SLC8A1: variants seen among roughly 807,000 people sequenced by gnomAD.
SLC8A1 encodes sodium/calcium exchanger 1.
A neutral mutation model predicts 68.3 loss-of-function variants in SLC8A1; 18 were observed. The observed-to-expected ratio is 0.26, with a 90% CI of 0.18 to 0.39. The LOEUF is 0.39. Among genes scored for constraint, SLC8A1 ranks in the 10% least tolerant of loss-of-function variants. The pLI is 1.00. For missense variants in SLC8A1, 985 were observed against 1,156.7 expected (o/e 0.85, Z 2.15); for synonymous variants, 475 against 415.5 (o/e 1.14, Z -1.74).
At chr2:40,242,523 G>A (rs1458755594) in intron 2 of SLC8A1, among the ~76,000 whole-genome samples, 1 of 152,134 alleles carries the variant, frequency 6.6e-6, no homozygotes, top group East Asian at 1.9e-4. Context: ...AAGAACAATG[G>A]TTGCATCCAG....
intron 2 of SLC8A1, among the ~76,000 whole-genome samples, chr2:40,383,661 C>T (rs955100611): frequency 6.6e-6 from 1 of 152,002 alleles, no homozygotes; most frequent in Non-Finnish European, 1.5e-5. Flanking sequence ...TTAAGTAATA[C>T]TTAATACATA....
At position 40,231,195 on chromosome 2, in the gene SLC8A1, T is replaced by C. The variant is rs557070351; in HGVS notation, c.1809-53340A>G. On this transcript the variant is annotated intron_variant, in intron 2 of 7. Coordinates refer to ENST00000406785, the Ensembl canonical transcript of SLC8A1. Reference sequence around the variant, plus strand: ...GTGCTGGTTCTTGGCACAGTTGCTTTCTGAGCTGAAAAAAAGTGCCATGAC... The same window carrying C: ...GTGCTGGTTCTTGGCACAGTTGCTTCCTGAGCTGAAAAAAAGTGCCATGAC... 2.0e-5 allele frequency among the ~76,000 whole-genome samples: 3 copies of C among 152,316 alleles called. No individual in the cohort carries two copies. In the South Asian group the frequency reaches 6.2e-4, roughly 32 times the overall value.
At chr2:40,335,893 T>C (rs565772375) in intron 2 of SLC8A1, among the ~76,000 whole-genome samples, 1 of 152,264 alleles carries the variant, frequency 6.6e-6, no homozygotes, top group South Asian at 2.1e-4. Flanking sequence ...AAGAGATAAG[T>C]GAATTAAGTT....
At chr2:40,482,915 C>G (rs1181097894) in intron 1 of SLC8A1, among the ~76,000 whole-genome samples, 1 of 150,894 alleles carries the variant, frequency 6.6e-6, no homozygotes, top group African/African-American at 2.4e-5. Flanking sequence ...CTCAGCCTCC[C>G]GAGTAGCTGG....
In SLC8A1 at chr2:40,235,810, C is replaced by T. The variant is rs1021491549; in HGVS notation, c.1809-57955G>A. 5.6e-3 allele frequency among the ~76,000 whole-genome samples: 834 copies of T among 148,968 alleles called. 2 individuals carry two copies. The highest frequency in any genetic ancestry group is 9.8e-3 in the Non-Finnish European group (657 of 66,832). On this transcript the variant is annotated intron_variant, in intron 2 of 7. Coordinates refer to ENST00000406785, the Ensembl canonical transcript of SLC8A1. Reference sequence around the variant, plus strand: ...TTCTGGTATGTTGTGTCTTTGTTCTCGTTGGTTTCAAAGAACATCTTTATT... The same window carrying T: ...TTCTGGTATGTTGTGTCTTTGTTCTTGTTGGTTTCAAAGAACATCTTTATT...
At chr2:40,336,139 T>C (rs1665903184) in intron 2 of SLC8A1, among the ~76,000 whole-genome samples, 1 of 152,180 alleles carries the variant, frequency 6.6e-6, no homozygotes, top group Admixed American at 6.5e-5. Flanking sequence ...TCCATTCCCC[T>C]CTAATCTCAA....
chr2:40,304,917 C>T lies in SLC8A1; in HGVS notation c.1808+123556G>A, dbSNP rs892552510. 2.0e-5 allele frequency among the ~76,000 whole-genome samples: 3 copies of T among 152,264 alleles called. No individual in the cohort carries two copies. In the South Asian group the frequency reaches 6.2e-4, roughly 32 times the overall value. The stretch of plus-strand genomic sequence containing the variant: ...ACTTCCGCTTTTGAGAATCTTCCAC[C>T]TACCCACCCCATCCATTTGACACTA... On this transcript the variant is annotated intron_variant, in intron 2 of 7. Transcript: ENST00000406785.
At chr2:40,217,950 G>A (rs2057745870) in intron 2 of SLC8A1, among the ~76,000 whole-genome samples, 1 of 151,804 alleles carries the variant, frequency 6.6e-6, no homozygotes, top group Non-Finnish European at 1.5e-5. Context: ...AAATAGCTGT[G>A]GTAAACAGAT....
chr2:40,240,424 A>T (rs369580542), intron 2 of SLC8A1, among the ~76,000 whole-genome samples: 1 of 152,174 alleles, frequency 6.6e-6, no homozygotes, highest in Admixed American at 6.5e-5. Context: ...ACTGGACCCA[A>T]TGCAACACCA....
chr2:40,134,943 G>T (rs1004793223), intron 7 of SLC8A1, among the ~76,000 whole-genome samples: 4 of 152,162 alleles, frequency 2.6e-5, no homozygotes, highest in African/African-American at 9.6e-5. Flanking sequence ...ATAAGAACTG[G>T]TTGACTACTT....
intron 2 of SLC8A1, among the ~76,000 whole-genome samples, chr2:40,365,994 T>A (rs1306317220): frequency 6.9e-5 from 5 of 72,692 alleles, no homozygotes; most frequent in African/African-American, 2.7e-4. Context: ...AGACCCTGTC[T>A]GAAAAAAAAA....
rs549840591 is a variant in SLC8A1, at chr2:40,472,179, C to T, written c.-25+40170G>A. Among the ~76,000 whole-genome samples, 3 of 152,256 alleles carry T rather than the reference C, an allele frequency of 2.0e-5. No individual in the cohort carries two copies. In the East Asian group the frequency reaches 5.8e-4, roughly 29 times the overall value. On this transcript the variant is annotated intron_variant, in intron 1 of 7. Coordinates refer to the SLC8A1 transcript ENST00000402441. Reference sequence around the variant, plus strand: ...CTTTATATGACAACCTTGCAGTAAACTTACACACGCATATTGTGGAGTAAA... The same window carrying T: ...CTTTATATGACAACCTTGCAGTAAATTTACACACGCATATTGTGGAGTAAA...
intron 2 of SLC8A1, among the ~76,000 whole-genome samples, chr2:40,341,988 T>G (rs1667840910): frequency 6.6e-6 from 1 of 152,154 alleles, no homozygotes. Context: ...GTAGGTAGCA[T>G]GACCTTTCAG....
intron 2 of SLC8A1, among the ~76,000 whole-genome samples, chr2:40,215,482 A>G (rs2057319947): frequency 6.6e-6 from 1 of 151,728 alleles, no homozygotes; most frequent in East Asian, 1.9e-4. Flanking sequence ...CTAAAAATAC[A>G]AAAAATTAGC....
chr2:40,174,632 A>ATG, intron 4 of SLC8A1, 74 bp downstream of exon 6: 3 of 1,303,638 alleles, frequency 2.3e-6, no homozygotes, highest in Non-Finnish European at 3.2e-6. Flanking sequence ...TGCAAGTTAC[A>ATG]TAAGATGTAG....
At chr2:40,504,346 A>G (rs985910416) in intron 1 of SLC8A1, among the ~76,000 whole-genome samples, 3 of 152,130 alleles carry the variant, frequency 2.0e-5, no homozygotes, top group Non-Finnish European at 4.4e-5. Flanking sequence ...ACCTCAAACC[A>G]TGAAACTACT....
At chr2:40,217,002 A>C (rs1409504388) in intron 2 of SLC8A1, among the ~76,000 whole-genome samples, 1 of 152,074 alleles carries the variant, frequency 6.6e-6, no homozygotes, top group Non-Finnish European at 1.5e-5. Context: ...TTTTAGTTTA[A>C]TTGGATCCCA....
chr2:40,341,302 G>C lies in SLC8A1; in HGVS notation c.1808+87171C>G, dbSNP rs75753119. 3.4e-3 allele frequency among the ~76,000 whole-genome samples: 521 copies of C among 152,266 alleles called. 6 individuals carry two copies. The highest frequency in any genetic ancestry group is 0.012 in the African/African-American group (504 of 41,554). On this transcript the variant is annotated intron_variant, in intron 2 of 7. Transcript: ENST00000406785. ...AAATATATGTCTCAAATTTGGATAA[G>C]TAAGTAAATAAGTAAATAAATAAAG...
chr2:40,390,688 C>T (rs142815502), intron 2 of SLC8A1, among the ~76,000 whole-genome samples: 195 of 152,174 alleles, frequency 1.3e-3, no homozygotes, highest in African/African-American at 4.5e-3. Flanking sequence ...TACACATAGT[C>T]CACAGAGGCT....
Sources: allele counts gnomAD v4.1 joint callset (sites outside exome capture counted in the v4.1 genomes callset), GRCh38; gene constraint gnomAD v4.1.1; transcripts MANE v1.5; gene names NCBI Gene and HGNC (gene_info 2026-07-23, HGNC 2026-07-21).